ADCY5: variants seen among roughly 807,000 people sequenced by gnomAD.
ADCY5 encodes the protein adenylate cyclase 5.
Under a neutral mutation model 119.7 loss-of-function variants are expected in ADCY5, and 30 were observed. The observed-to-expected ratio is 0.25, with a 90% CI of 0.19 to 0.34. ADCY5 has a LOEUF of 0.34. Among genes scored for constraint, ADCY5 ranks in the 10% least tolerant of loss-of-function variants. ADCY5 has a pLI of 1.00. For missense variants in ADCY5, 1,324 were observed against 1,775.2 expected (o/e 0.75, Z 4.57); for synonymous variants, 753 against 762.2 (o/e 0.99, Z 0.20).
intron 1 of ADCY5, among the ~76,000 whole-genome samples, chr3:123,365,928 G>A (rs958988550): frequency 1.3e-5 from 2 of 152,220 alleles, no homozygotes; most frequent in African/African-American, 4.8e-5. Context: ...GGACAGCACC[G>A]TACTTCCCTG....
chr3:123,300,272 G>C lies in ADCY5; in HGVS notation c.2748C>G (p.Leu916=). ...FPEYFTYSVL[L]SLLACSVFLQ... is the part of the protein sequence containing the mutation. ...GGAACACGGAGCAGGCCAGCAGGCT[G>C]AGCAGCACGCTGTAGGTGAAGTACT... Residue 916 remains leucine (L), a synonymous_variant, in exon 15 of 21, where the codon CTC becomes CTG. Coordinates refer to ENST00000462833, the MANE Select transcript of ADCY5 (RefSeq NM_183357.3). The C allele has an allele frequency of 6.2e-7, 1 of 1,613,468 alleles. No individual in the cohort carries two copies. The highest frequency in any genetic ancestry group is 8.5e-7 in the Non-Finnish European group (1 of 1,180,032).
In ADCY5 at chr3:123,325,389, C is replaced by A. The variant is rs868734840; in HGVS notation, c.2021G>T (p.Trp674Leu). 2 of 1,614,038 alleles carry A rather than the reference C, an allele frequency of 1.2e-6. No homozygotes were observed. Among genetic ancestry groups the A allele is most frequent in the East Asian group, 4.5e-5 (2 of 44,868 alleles). ...GTTGTAGAAGGGGCGCTCAGCCCCCCAGTGTGGTGGGTTGTGCCCGATGGA... is the reference window on the plus strand; with the variant it reads ...GTTGTAGAAGGGGCGCTCAGCCCCCAAGTGTGGTGGGTTGTGCCCGATGGA... ...TNSIGHNPPH[W>L]GAERPFYNHL... Residue 674 changes from tryptophan (W) to leucine (L), a missense_variant, in exon 8 of 21, where the codon TGG (tryptophan) becomes TTG (leucine). By Grantham distance (61) the Trp-to-Leu change is moderately conservative (BLOSUM62 -2). This residue lies in a region of ADCY5 where 424 missense variants were observed against 546.8 expected (regional missense o/e 0.78). Coordinates refer to ENST00000462833, the MANE Select transcript of ADCY5 (RefSeq NM_183357.3).
At chr3:123,429,140 T>C (rs1219438182) in intron 1 of ADCY5, among the ~76,000 whole-genome samples, 2 of 152,244 alleles carry the variant, frequency 1.3e-5, no homozygotes, top group Non-Finnish European at 2.9e-5. Flanking sequence ...GCAGTATTTG[T>C]ATTGCCTATT....
At chr3:123,291,577 T>G (rs570195786) in intron 17 of ADCY5, among the ~76,000 whole-genome samples, 1 of 152,162 alleles carries the variant, frequency 6.6e-6, no homozygotes. Context: ...GAGCAGGACT[T>G]TGACAATCAG....
chr3:123,396,807 CAGGCAGGCAG>C (rs1260288707), intron 1 of ADCY5, among the ~76,000 whole-genome samples: 34 of 84,644 alleles, frequency 4.0e-4, no homozygotes, highest in East Asian at 9.3e-4. Context: ...GGCAGGCAGG[CAGGCAGGCAG>C]GCGAGAGAGA....
rs537482591 is a variant in ADCY5, at chr3:123,448,801, G to C, written c.-256C>G. 10 of 374,528 alleles carry C rather than the reference G, an allele frequency of 2.7e-5. No individual in the cohort carries two copies. The highest frequency in any genetic ancestry group is 2.3e-4 in the Admixed American group (5 of 21,826). 23.2% of individuals were successfully genotyped at this position (374,528 alleles called of 1,614,324 possible). On this transcript the variant is annotated 5_prime_UTR_variant, in exon 1 of 21. Coordinates refer to ENST00000462833, the MANE Select transcript of ADCY5 (RefSeq NM_183357.3). The stretch of plus-strand genomic sequence containing the variant: ...CGAAATGGAGTTGCCTCCGAGGTGG[G>C]GTCGCAGGGACTGGTCTGGCTGCTG...
At chr3:123,327,556 A>T (rs1222069195) in intron 7 of ADCY5, 62 bp downstream of exon 7, 1 of 1,502,552 alleles carries the variant, frequency 6.7e-7, no homozygotes, top group African/African-American at 1.4e-5. Flanking sequence ...GCAGCAGGTC[A>T]CGAAAATGTT....
chr3:123,408,530 C>T (rs1455264634), intron 1 of ADCY5, among the ~76,000 whole-genome samples: 1 of 151,582 alleles, frequency 6.6e-6, no homozygotes, highest in Non-Finnish European at 1.5e-5. Flanking sequence ...GTGGCATGCG[C>T]CTGTAGTCCC....
chr3:123,320,831 TCA>T lies in ADCY5; in HGVS notation c.2089-62_2089-61del, dbSNP rs1269420066. On this transcript the variant is annotated intron_variant, in intron 8 of 20. Coordinates refer to ENST00000462833, the MANE Select transcript of ADCY5 (RefSeq NM_183357.3). ...AATGAGAACAGAGAGAACTGAAAGCTCAGAGGCGTCTAGATGGCTGCAGCTCA... is the reference window on the plus strand; with the variant it reads ...AATGAGAACAGAGAGAACTGAAAGCTGAGGCGTCTAGATGGCTGCAGCTCA... The T allele has an allele frequency of 3.8e-6, 5 of 1,320,936 alleles. No individual in the cohort carries two copies. The African/African-American group carries it at 7.3e-5, about 19-fold the overall frequency. The allele number at this position is 1,320,936 out of a possible 1,614,324, so 81.8% of individuals were successfully genotyped here.
At chr3:123,439,406 A>G (rs1303674677) in intron 1 of ADCY5, among the ~76,000 whole-genome samples, 1 of 9,646 alleles carries the variant, frequency 1.0e-4, no homozygotes, top group Non-Finnish European at 4.2e-4. Flanking sequence ...TCTCAACTTA[A>G]TAAGGAAAGA....
intron 3 of ADCY5, 105 bp downstream of exon 3, chr3:123,347,677 C>T (rs1942622611): frequency 6.8e-7 from 1 of 1,473,432 alleles, no homozygotes; most frequent in Non-Finnish European, 9.3e-7. Flanking sequence ...TCCAAAGTCA[C>T]CAAGCCACCC....
At chr3:123,441,848 T>C (rs1945727652) in intron 1 of ADCY5, among the ~76,000 whole-genome samples, 1 of 152,114 alleles carries the variant, frequency 6.6e-6, no homozygotes, top group African/African-American at 2.4e-5. Flanking sequence ...TGTGGGCCTT[T>C]TCTAACAGCC....
chr3:123,310,372 T>C (rs1371319738), intron 12 of ADCY5, among the ~76,000 whole-genome samples: 1 of 151,158 alleles, frequency 6.6e-6, no homozygotes, highest in Admixed American at 6.6e-5. Flanking sequence ...CTCCAGGGAG[T>C]CCAGTGGAAC....
At chr3:123,312,103 T>A (rs1940623389) in intron 12 of ADCY5, among the ~76,000 whole-genome samples, 1 of 152,148 alleles carries the variant, frequency 6.6e-6, no homozygotes, top group South Asian at 2.1e-4. Context: ...CCTCCACAAC[T>A]GACTGCAAAT....
chr3:123,317,703 C>A lies in ADCY5; in HGVS notation c.2354+317G>T, dbSNP rs369872476. Among the ~76,000 whole-genome samples, 20 of 151,630 alleles carry A rather than the reference C, an allele frequency of 1.3e-4. No individual in the cohort carries two copies. In the East Asian group the frequency reaches 3.5e-3, roughly 27 times the overall value. ...TGAGCCAAGATCATGCCTCTGCACT[C>A]CAGCCTGGGCAACAGAGCGAGACGC... On this transcript the variant is annotated intron_variant, in intron 11 of 20. Coordinates refer to ENST00000462833, the MANE Select transcript of ADCY5 (RefSeq NM_183357.3).
rs1179906905 is a variant in ADCY5, at chr3:123,303,864, AAGAGAAGAGAAGAGAAGAGAAGAGAAGAG to A, written c.2559+174_2559+202del. On this transcript the variant is annotated intron_variant, in intron 13 of 20. Coordinates refer to ENST00000462833, the MANE Select transcript of ADCY5 (RefSeq NM_183357.3). Reference sequence around the variant, plus strand: ...AAGAGAAGAGAAGAGAAGAGAAGAGAAGAGAAGAGAAGAGAAGAGAAGAGAAGAGAAGAAAGAACTTGTGTGAGGCACAT... The same window carrying A: ...AAGAGAAGAGAAGAGAAGAGAAGAGAAAGAAAGAACTTGTGTGAGGCACAT... Among the ~76,000 whole-genome samples the A allele has an allele frequency of 2.6e-3, 363 of 138,010 alleles. 1 individual carries two copies. Among genetic ancestry groups the A allele is most frequent in the African/African-American group, 0.01 (333 of 31,922 alleles). 90.5% of individuals were successfully genotyped at this position (138,010 alleles called of 152,430 possible). A position where few individuals can be genotyped will look rare whatever the true frequency, so the allele number is the denominator to read the frequency against.
At chr3:123,338,017 G>A (rs915062340) in intron 3 of ADCY5, among the ~76,000 whole-genome samples, 13 of 152,304 alleles carry the variant, frequency 8.5e-5, no homozygotes, top group East Asian at 3.9e-4. Context: ...CCATATGCAC[G>A]GAACCAGTGG....
chr3:123,294,728 T>C (rs1576531406), intron 17 of ADCY5, among the ~76,000 whole-genome samples: 1 of 152,172 alleles, frequency 6.6e-6, no homozygotes, highest in East Asian at 1.9e-4. Context: ...TCGGCAACAC[T>C]GAGAGGGGCC....
intron 16 of ADCY5, 50 bp from the exon 17 acceptor site, chr3:123,296,266 G>T (rs370344584): frequency 1.1e-5 from 17 of 1,587,184 alleles, no homozygotes; most frequent in East Asian, 2.3e-5. Flanking sequence ...TCCTCACAGC[G>T]GGCTCTGAGG....
Sources: allele counts gnomAD v4.1 joint callset (sites outside exome capture counted in the v4.1 genomes callset), GRCh38; gene constraint gnomAD v4.1.1; regional missense constraint gnomAD v4.1.1; transcripts MANE v1.5; gene names NCBI Gene and HGNC (gene_info 2026-07-23, HGNC 2026-07-21).